The following LAMA1 variants were observed in gnomAD, a reference collection of about 807,000 sequenced individuals.
The protein encoded by LAMA1 is laminin subunit alpha-1.
Under a neutral mutation model 348.7 loss-of-function variants are expected in LAMA1, and 219 were observed. That is an observed-to-expected ratio of 0.63 (90% CI 0.56 to 0.70). The LOEUF is 0.70. LAMA1 is among the 30% of genes least tolerant of loss of function. The pLI is 0.00. For missense variants in LAMA1, 3,744 were observed against 3,888.0 expected, an observed-to-expected ratio of 0.96 and a Z score of 0.99; for synonymous variants, 1,487 against 1,491.0, an observed-to-expected ratio of 1.00 and a Z score of 0.06.
At chr18:7,086,069 C>T (rs1417932667) in intron 1 of LAMA1, among the ~76,000 whole-genome samples, 1 of 152,112 alleles carries the variant, frequency 6.6e-6, no homozygotes, top group Non-Finnish European at 1.5e-5. Flanking sequence ...GAAAAAGCGG[C>T]TGAGAATGAA....
chr18:6,985,465 T>C (rs2057730365), intron 38 of LAMA1, 62 bp downstream of exon 38: 7 of 1,607,498 alleles, frequency 4.4e-6, no homozygotes, highest in South Asian at 1.1e-5. Flanking sequence ...TGTGTGCATA[T>C]AGAAAAGATG....
intron 62 of LAMA1, 126 bp from the exon 63 acceptor site, chr18:6,942,365 A>C (rs1678228266): frequency 2.0e-6 from 2 of 1,013,896 alleles, no homozygotes; most frequent in African/African-American, 1.6e-5. Context: ...TATCAAAATT[A>C]GGAGAATATC....
intron 57 of LAMA1, chr18:6,954,663 G>A (rs913339914): frequency 6.2e-6 from 1 of 160,562 alleles, no homozygotes; most frequent in Non-Finnish European, 1.4e-5. Flanking sequence ...AAGGTCAGGT[G>A]TTAGGCAGCT....
Position 6,959,500 on chromosome 18 carries a change from G to C in LAMA1, c.7627-8C>G. On this transcript the variant is annotated splice_region_variant and splice_polypyrimidine_tract_variant and intron_variant, in intron 53 of 62. Transcript: ENST00000389658. ...CATGACGGAAAAGAAGGGCTGGGGAGGTTGCATAGAGAATTTCCCAGACAA... is the reference window on the plus strand; with the variant it reads ...CATGACGGAAAAGAAGGGCTGGGGACGTTGCATAGAGAATTTCCCAGACAA... 6.2e-7 allele frequency: 1 copy of C among 1,614,066 alleles called. No individual in the cohort carries two copies. The highest frequency in any genetic ancestry group is 8.5e-7 in the Non-Finnish European group (1 of 1,179,970).
At chr18:6,943,061 A>G in intron 62 of LAMA1, 119 bp downstream of exon 62, 1 of 841,992 alleles carries the variant, frequency 1.2e-6, no homozygotes, top group Non-Finnish European at 2.0e-6. Context: ...CTAAAATGGT[A>G]AAGGATTTGT....
intron 29 of LAMA1, among the ~76,000 whole-genome samples, chr18:7,006,101 T>C (rs2144104980): frequency 6.6e-6 from 1 of 152,356 alleles, no homozygotes; most frequent in African/African-American, 2.4e-5. Flanking sequence ...TGTTTCCACC[T>C]GAGTGACTGT....
At chr18:6,972,396 C>CT (rs534765029) in intron 47 of LAMA1, among the ~76,000 whole-genome samples, 1 of 152,124 alleles carries the variant, frequency 6.6e-6, no homozygotes, top group African/African-American at 2.4e-5. Flanking sequence ...ATATGGTGGG[C>CT]TTTTTTGCTA....
rs979448753 is a variant in LAMA1 at position 6,970,856 on chromosome 18, G to A, written c.6899+1001C>T. On this transcript the variant is annotated intron_variant, in intron 48 of 62. Coordinates refer to ENST00000389658, the MANE Select transcript of LAMA1 (RefSeq NM_005559.4). ...TCGAACTCCTAACCTCAGGTGATCC[G>A]CCCGCCTCGGCCTCCCAAAGTGCTG... 5.3e-5 allele frequency among the ~76,000 whole-genome samples: 8 copies of A among 152,020 alleles called. No homozygotes were observed. The East Asian group carries it at 7.7e-4, about 15-fold the overall frequency.
At chr18:7,061,875 G>A (rs910607766) in intron 3 of LAMA1, among the ~76,000 whole-genome samples, 2 of 152,176 alleles carry the variant, frequency 1.3e-5, no homozygotes, top group Non-Finnish European at 2.9e-5. Flanking sequence ...CTGTGCGTCT[G>A]AGAACAGCCT....
chr18:7,033,817 G>A (rs2057982276), intron 14 of LAMA1, among the ~76,000 whole-genome samples: 1 of 151,776 alleles, frequency 6.6e-6, no homozygotes, highest in Non-Finnish European at 1.5e-5. Context: ...TCACTGCAAC[G>A]TGCACCTCCT....
At position 6,997,846 on chromosome 18, in the gene LAMA1, A is replaced by G. The variant is rs1568024093; in HGVS notation, c.4702T>C (p.Leu1568=). 1.2e-6 allele frequency: 2 copies of G among 1,614,090 alleles called. No homozygotes were observed. The highest frequency in any genetic ancestry group is 1.7e-6 in the Non-Finnish European group (2 of 1,180,042). The change falls in exon 33 of 63, where the codon TTG becomes CTG. Residue 1568 remains leucine, a synonymous_variant. Transcript: ENST00000389658. ...AGAACGGCATCACCAATCTCATCCA[A>G]GTCATTCAGCAGCACACCTACACAC... ...DECVGVLLND[L]DEIGDAVLSL...
At chr18:7,018,412 T>C (rs997066308) in intron 19 of LAMA1, among the ~76,000 whole-genome samples, 1 of 150,894 alleles carries the variant, frequency 6.6e-6, no homozygotes, top group African/African-American at 2.4e-5. Context: ...TTTTTTTTTT[T>C]TGAGACGGAG....
chr18:7,109,519 T>C (rs535302246), intron 1 of LAMA1, among the ~76,000 whole-genome samples: 23 of 152,262 alleles, frequency 1.5e-4, no homozygotes, highest in African/African-American at 4.8e-4. Flanking sequence ...AAACAGGCCA[T>C]CACATCGAGG....
intron 17 of LAMA1, among the ~76,000 whole-genome samples, chr18:7,025,293 C>T (rs1038283990): frequency 2.0e-5 from 3 of 152,184 alleles, no homozygotes; most frequent in Admixed American, 1.3e-4. Context: ...TGCCATGGCA[C>T]GCCCAGCTCC....
At chr18:7,042,839 C>T in intron 8 of LAMA1, 1 of 219,396 alleles carries the variant, frequency 4.6e-6, no homozygotes, top group Non-Finnish European at 9.1e-6. Flanking sequence ...GCCGAGATCG[C>T]ACCACTGCAC....
intron 1 of LAMA1, among the ~76,000 whole-genome samples, chr18:7,088,505 T>G (rs1011536103): frequency 1.3e-4 from 19 of 151,974 alleles, no homozygotes; most frequent in African/African-American, 4.6e-4. Flanking sequence ...TTTTAAAAAA[T>G]TATTTATTAT....
intron 3 of LAMA1, among the ~76,000 whole-genome samples, chr18:7,053,515 G>GA (rs910454777): frequency 6.6e-6 from 1 of 151,706 alleles, no homozygotes; most frequent in Non-Finnish European, 1.5e-5. Flanking sequence ...TCTATTAATT[G>GA]AAAAAAATTA....
intron 19 of LAMA1, among the ~76,000 whole-genome samples, chr18:7,021,852 T>TA (rs1555654397): frequency 1.0e-3 from 62 of 62,098 alleles, no homozygotes; most frequent in African/African-American, 7.7e-3. Flanking sequence ...TTATATTATA[T>TA]TATATATATT....
At position 7,023,382 on chromosome 18, in the gene LAMA1, C is replaced by G. The variant is rs966769432; in HGVS notation, c.2490-7G>C. ...ATAGTAACCATCTGCACATCTGTAT[C>G]AAAGATTGAAAGTGGGATCAGACAA... On this transcript the variant is annotated splice_region_variant and splice_polypyrimidine_tract_variant and intron_variant, in intron 18 of 62. Transcript: ENST00000389658. 22 of 1,613,060 alleles carry G rather than the reference C, an allele frequency of 1.4e-5. 1 individual carries two copies. The highest frequency in any genetic ancestry group is 1.8e-5 in the Non-Finnish European group (21 of 1,179,046).
Sources: gnomAD v4.1 joint callset for allele counts (sites outside exome capture counted in the v4.1 genomes callset) on GRCh38, gnomAD v4.1.1 for gene constraint, MANE v1.5 for transcripts, NCBI Gene and HGNC (gene_info 2026-07-23, HGNC 2026-07-21) for gene names.